PCNX1: variants seen among roughly 807,000 people sequenced by gnomAD.
PCNX1 encodes pecanex-like protein 1.
Under a neutral mutation model 242.2 loss-of-function variants are expected in PCNX1, and 78 were observed. The ratio of observed to expected loss-of-function variants is 0.32; its 90% CI spans 0.27 to 0.39. The LOEUF (loss-of-function observed/expected upper bound fraction) is 0.39. Ranked by LOEUF, PCNX1 falls within the 10% of genes least tolerant of loss-of-function variation. PCNX1 has a pLI of 1.00. For missense variants in PCNX1, 2,581 were observed against 2,856.5 expected (o/e 0.90, Z 2.20); for synonymous variants, 1,024 against 1,032.9 (o/e 0.99, Z 0.17).
chr14:70,964,607 C>G (rs1297476702), intron 3 of PCNX1, among the ~76,000 whole-genome samples: 1 of 152,150 alleles, frequency 6.6e-6, no homozygotes, highest in Non-Finnish European at 1.5e-5. Context: ...CTCCAATCAT[C>G]TTTTGGAGAC....
chr14:71,097,903 A>G (rs906885908), intron 30 of PCNX1, among the ~76,000 whole-genome samples: 8 of 152,194 alleles, frequency 5.3e-5, no homozygotes, highest in African/African-American at 1.9e-4. Context: ...TAGGATTCTT[A>G]TATTTTAAGG....
chr14:71,073,498 C>T, intron 26 of PCNX1, 47 bp from the exon 27 acceptor site: 16 of 1,532,122 alleles, frequency 1.0e-5, no homozygotes, highest in East Asian at 4.7e-5. Flanking sequence ...TCATTTTTCC[C>T]ACTTTCTGGT....
At chr14:71,019,970 C>T (rs1305852762) in intron 12 of PCNX1, among the ~76,000 whole-genome samples, 2 of 149,754 alleles carry the variant, frequency 1.3e-5, no homozygotes, top group Non-Finnish European at 3.0e-5. Flanking sequence ...TCCTTGTGTT[C>T]CCCTCCTTGT....
intron 26 of PCNX1, among the ~76,000 whole-genome samples, chr14:71,071,110 T>G (rs932591393): frequency 1.3e-5 from 2 of 152,240 alleles, no homozygotes; most frequent in Non-Finnish European, 2.9e-5. Context: ...ACTTTTCTTC[T>G]GCAGCTTGCT....
chr14:70,994,337 C>T (rs1251178968), intron 7 of PCNX1, among the ~76,000 whole-genome samples: 7 of 146,158 alleles, frequency 4.8e-5, no homozygotes, highest in Non-Finnish European at 9.0e-5. Context: ...TAGTCACAGG[C>T]TACTGTATCA....
intron 30 of PCNX1, chr14:71,092,754 G>C (rs1027355322): frequency 2.0e-5 from 3 of 152,100 alleles, no homozygotes; most frequent in Admixed American, 2.0e-4. Context: ...GTTTATGATC[G>C]GGACTGTCTT....
At chr14:71,021,836 C>T (rs1027049772) in intron 12 of PCNX1, among the ~76,000 whole-genome samples, 5 of 152,026 alleles carry the variant, frequency 3.3e-5, no homozygotes, top group Non-Finnish European at 7.4e-5. Context: ...GTTGATCCCT[C>T]TTTGTTCTTT....
rs1411578412 is a variant in PCNX1, at chr14:71,114,314, C to T, written c.*4379C>T. On this transcript the variant is annotated 3_prime_UTR_variant, in exon 36 of 36. Transcript: ENST00000304743. ...TTGGTTGATTGATATGCACCCAGGC[C>T]GTCTTATTTTTACTTGTTAAATGTC... is the stretch of plus-strand genomic sequence containing the variant. 1.3e-5 allele frequency: 2 copies of T among 151,920 alleles called. No individual in the cohort carries two copies. Among genetic ancestry groups the T allele is most frequent in the Admixed American group, 6.6e-5 (1 of 15,256 alleles). The allele number at this position is 151,920 out of a possible 1,614,324, so 9.4% of individuals were successfully genotyped here.
In PCNX1 at chr14:71,110,526, T is replaced by A. The variant is rs2062735746; in HGVS notation, c.*591T>A. 2 of 152,892 alleles carry A rather than the reference T, an allele frequency of 1.3e-5. No homozygotes were observed. The highest frequency in any genetic ancestry group is 4.8e-5 in the African/African-American group (2 of 41,456). The allele number at this position is 152,892 out of a possible 1,614,324, so 9.5% of individuals were successfully genotyped here. A position where few individuals can be genotyped will look rare whatever the true frequency, so the allele number is the denominator to read the frequency against. The stretch of plus-strand genomic sequence containing the variant: ...TACAGCAATGCACTAAAGTCTGAGA[T>A]TTCTCAGAACATTTATTTATATATA... On this transcript the variant is annotated 3_prime_UTR_variant, in exon 36 of 36. Transcript: ENST00000304743.
At chr14:71,100,338 T>G (rs555392859) in intron 30 of PCNX1, among the ~76,000 whole-genome samples, 24 of 152,334 alleles carry the variant, frequency 1.6e-4, no homozygotes, top group African/African-American at 5.3e-4. Context: ...AAGATTTTAT[T>G]TCTCTTTCAC....
At chr14:71,073,330 C>G (rs2061633019) in intron 26 of PCNX1, among the ~76,000 whole-genome samples, 1 of 152,168 alleles carries the variant, frequency 6.6e-6, no homozygotes, top group Non-Finnish European at 1.5e-5. Context: ...TGTGCTAATG[C>G]TAATGCACAT....
chr14:70,907,677 GCCT>G lies in PCNX1; in HGVS notation c.-161_-159del, dbSNP rs1566804053. ...TCGGGTCTCCTCCTCCTCGTTTGCT[GCCT>G]CCTCCTCCTCCTGCAGCAGCACCAG... On this transcript the variant is annotated 5_prime_UTR_variant, in exon 1 of 36. Coordinates refer to ENST00000304743, the MANE Select transcript of PCNX1 (RefSeq NM_014982.3). The G allele has an allele frequency of 4.2e-4, 308 of 726,844 alleles. No individual in the cohort carries two copies. The highest frequency in any genetic ancestry group is 5.2e-4 in the Middle Eastern group (1 of 1,922). 45.0% of individuals were successfully genotyped at this position (726,844 alleles called of 1,614,324 possible).
At chr14:70,972,022 T>G (rs1158947719) in intron 5 of PCNX1, among the ~76,000 whole-genome samples, 1 of 152,152 alleles carries the variant, frequency 6.6e-6, no homozygotes, top group African/African-American at 2.4e-5. Flanking sequence ...GGGGCAAAAG[T>G]TGAAGCAGGG....
chr14:70,934,480 C>T (rs909791919), intron 1 of PCNX1, among the ~76,000 whole-genome samples: 7 of 152,286 alleles, frequency 4.6e-5, no homozygotes, highest in Admixed American at 2.0e-4. Flanking sequence ...CAGGGTCTCA[C>T]TATGTTGCCT....
At chr14:70,941,068 A>G (rs142340771) in intron 1 of PCNX1, among the ~76,000 whole-genome samples, 1 of 152,140 alleles carries the variant, frequency 6.6e-6, no homozygotes, top group Admixed American at 6.5e-5. Context: ...GATGGGTTCG[A>G]ACATCCTCCT....
intron 8 of PCNX1, among the ~76,000 whole-genome samples, chr14:71,007,297 ACAT>A (rs1356080215): frequency 1.3e-5 from 2 of 152,082 alleles, no homozygotes; most frequent in South Asian, 2.1e-4. Flanking sequence ...TAGTATAATG[ACAT>A]CATATTCTTT....
intron 8 of PCNX1, among the ~76,000 whole-genome samples, chr14:70,999,057 C>T (rs2059432474): frequency 6.6e-6 from 1 of 152,100 alleles, no homozygotes; most frequent in Admixed American, 6.5e-5. Flanking sequence ...TACAAAAATT[C>T]TAAATAAAAC....
At chr14:71,107,625 G>A (rs946344750) in intron 33 of PCNX1, among the ~76,000 whole-genome samples, 12 of 152,098 alleles carry the variant, frequency 7.9e-5, no homozygotes, top group Admixed American at 3.9e-4. Flanking sequence ...CTTGAAAAAG[G>A]ATGCAGAAGA....
intron 6 of PCNX1, among the ~76,000 whole-genome samples, chr14:70,987,707 G>A (rs935936399): frequency 1.3e-5 from 2 of 152,148 alleles, no homozygotes; most frequent in African/African-American, 2.4e-5. Context: ...AACCCAAATC[G>A]GTCAATTTTT....
Sources: allele counts gnomAD v4.1 joint callset (sites outside exome capture counted in the v4.1 genomes callset), GRCh38; gene constraint gnomAD v4.1.1; transcripts MANE v1.5; gene names NCBI Gene and HGNC (gene_info 2026-07-23, HGNC 2026-07-21).